Variants in DNAH17 observed in about 807,000 individuals in gnomAD.
The protein encoded by DNAH17 is axonemal beta dynein heavy chain 17.
A neutral mutation model predicts 485.6 loss-of-function variants in DNAH17; 376 were observed. That is an observed-to-expected ratio of 0.77 (90% confidence interval 0.71 to 0.84). The LOEUF (loss-of-function observed/expected upper bound fraction) is 0.84, where lower values mean the gene tolerates loss of function less well. DNAH17 is among the 40% of genes least tolerant of loss of function. The pLI is 0.00. For missense variants in DNAH17, 6,370 were observed against 5,839.3 expected (o/e 1.09, Z -2.96); for synonymous variants, 3,031 against 2,405.9 (o/e 1.26, Z -7.60).
At chr17:78,555,111 G>A (rs765898480) in intron 14 of DNAH17, among the ~76,000 whole-genome samples, 2 of 152,156 alleles carry the variant, frequency 1.3e-5, no homozygotes, top group South Asian at 2.1e-4. Flanking sequence ...CCATTAACTC[G>A]TAGGATAGGT....
intron 44 of DNAH17, among the ~76,000 whole-genome samples, chr17:78,487,964 T>C (rs8081164): frequency 0.063 from 9,570 of 152,276 alleles, 977 homozygotes; most frequent in African/African-American, 0.22. Context: ...AACCTTTCTA[T>C]GTCCCTAAGC....
Position 78,506,710 on chromosome 17 carries a change from C to T in DNAH17, c.4803+10G>A, listed in dbSNP as rs2090494815. 8 of 1,613,618 alleles carry T rather than the reference C, an allele frequency of 5.0e-6. No homozygotes were observed. Among genetic ancestry groups the T allele is most frequent in the South Asian group, 2.2e-5 (2 of 91,070 alleles). On this transcript the variant is annotated intron_variant, in intron 30 of 80. Coordinates refer to ENST00000389840, the MANE Select transcript of DNAH17 (RefSeq NM_173628.4). ...GGCTTAAACACCGGAATGCAAGGGGCCCCGCCTACCTCCACGGGGTCATTG... is the reference window on the plus strand; with the variant it reads ...GGCTTAAACACCGGAATGCAAGGGGTCCCGCCTACCTCCACGGGGTCATTG...
chr17:78,515,696 C>G (rs560341067), intron 25 of DNAH17, among the ~76,000 whole-genome samples: 1 of 152,290 alleles, frequency 6.6e-6, no homozygotes, highest in South Asian at 2.1e-4. Flanking sequence ...CCCTTGCCTG[C>G]CTTGGCAATC....
chr17:78,574,595 TC>T, intron 2 of DNAH17, 117 bp downstream of exon 2: 2 of 874,218 alleles, frequency 2.3e-6, no homozygotes, highest in South Asian at 1.8e-5. Flanking sequence ...TTCCAATCCC[TC>T]CCCGGCTCTG....
chr17:78,486,847 A>C lies in DNAH17; in HGVS notation c.6819-341T>G, dbSNP rs114035065. Reference sequence around the variant, plus strand: ...GATGGGGCAGAACAGAAAAGGAGAAAGATCTCATGATGTCATGTGGGGGGC... The same window carrying C: ...GATGGGGCAGAACAGAAAAGGAGAACGATCTCATGATGTCATGTGGGGGGC... On this transcript the variant is annotated intron_variant, in intron 44 of 80. Coordinates refer to ENST00000389840, the MANE Select transcript of DNAH17 (RefSeq NM_173628.4). Among the ~76,000 whole-genome samples, 1,092 of 152,272 alleles carry C rather than the reference A, an allele frequency of 7.2e-3. 9 individuals carry two copies. The highest frequency in any genetic ancestry group is 0.025 in the African/African-American group (1,036 of 41,552).
chr17:78,433,881 G>A (rs879190724), intron 75 of DNAH17, 148 bp downstream of exon 75: 3 of 629,904 alleles, frequency 4.8e-6, no homozygotes, highest in African/African-American at 3.8e-5. Context: ...CCTACTTGAT[G>A]TCTTTTAAGC....
intron 16 of DNAH17, among the ~76,000 whole-genome samples, chr17:78,544,731 G>T (rs1277293076): frequency 1.4e-5 from 2 of 143,508 alleles, no homozygotes; most frequent in Non-Finnish European, 3.0e-5. Flanking sequence ...AACCCGGGAG[G>T]CAGAGCTTGC....
chr17:78,536,770 G>T (rs1021838802), intron 19 of DNAH17, among the ~76,000 whole-genome samples: 1 of 151,916 alleles, frequency 6.6e-6, no homozygotes, highest in Non-Finnish European at 1.5e-5. Context: ...GATGATGAGG[G>T]AATGAAACCC....
In DNAH17 at chr17:78,461,563, T is replaced by G; in HGVS notation, c.9320A>C (p.Lys3107Thr). The G allele has an allele frequency of 6.3e-7, 1 of 1,599,186 alleles. No individual in the cohort carries two copies. The highest frequency in any genetic ancestry group is 8.5e-7 in the Non-Finnish European group (1 of 1,173,898). Residue 3107 changes from lysine (K) to threonine (T), a missense_variant, in exon 58 of 81, where the codon AAG becomes ACG. Physicochemically the swap from Lys to Thr is moderately conservative, Grantham distance 78. Coordinates refer to ENST00000389840, the MANE Select transcript of DNAH17 (RefSeq NM_173628.4). ...EKAIADQEEV[K>T]VEVINKNVTE... ...ACCTACCTTATTGATGACCTCGACCTTGACTTCTTCCTGGTCAGCAATGGC... is the reference window on the plus strand; with the variant it reads ...ACCTACCTTATTGATGACCTCGACCGTGACTTCTTCCTGGTCAGCAATGGC...
intron 37 of DNAH17, among the ~76,000 whole-genome samples, chr17:78,496,457 G>A (rs1205755846): frequency 2.0e-5 from 3 of 151,320 alleles, no homozygotes; most frequent in East Asian, 2.0e-4. Context: ...GTCACAGCGG[G>A]GGTGGTGGGC....
At chr17:78,525,708 G>C (rs1000661478) in intron 24 of DNAH17, among the ~76,000 whole-genome samples, 1 of 152,214 alleles carries the variant, frequency 6.6e-6, no homozygotes, top group African/African-American at 2.4e-5. Context: ...TGCCTGCTCT[G>C]GTCACCAGCT....
chr17:78,441,370 G>A (rs2087069727), intron 71 of DNAH17, among the ~76,000 whole-genome samples, 171 bp from the exon 72 acceptor site: 1 of 152,144 alleles, frequency 6.6e-6, no homozygotes, highest in Non-Finnish European at 1.5e-5. Flanking sequence ...CTTTCTGCGA[G>A]GGATTGGCCT....
In DNAH17 at chr17:78,458,883, A is replaced by C. The variant is rs1448664495; in HGVS notation, c.9861+118T>G. The C allele has an allele frequency of 2.5e-6, 3 of 1,212,632 alleles. No homozygotes were observed. In the African/African-American group the frequency reaches 4.5e-5, roughly 18 times the overall value. 75.1% of individuals were successfully genotyped at this position (1,212,632 alleles called of 1,614,324 possible). On this transcript the variant is annotated intron_variant, in intron 61 of 80. Transcript: ENST00000389840. Reference sequence around the variant, plus strand: ...CCTGCCTCTGCCTGCATCCTCTTGCACTGCTGAATAATTCATGACGGCGGG... The same window carrying C: ...CCTGCCTCTGCCTGCATCCTCTTGCCCTGCTGAATAATTCATGACGGCGGG...
Position 78,459,193 on chromosome 17 carries a change from G to A in DNAH17, c.9669C>T (p.Asn3223=), listed in dbSNP as rs2087964145. 6.2e-7 allele frequency: 1 copy of A among 1,613,864 alleles called. No individual in the cohort carries two copies. Among genetic ancestry groups the A allele is most frequent in the Non-Finnish European group, 8.5e-7 (1 of 1,179,884 alleles). The change falls in exon 61 of 81, where the codon AAC becomes AAT. Residue 3223 remains asparagine, a synonymous_variant. Coordinates refer to ENST00000389840, the MANE Select transcript of DNAH17 (RefSeq NM_173628.4). Reference sequence around the variant, plus strand: ...GGATGAACTCGGGGTCGAACGTCGGGTTGCCTTGGTAGGGCCTAGCGAGGG... The same window carrying A: ...GGATGAACTCGGGGTCGAACGTCGGATTGCCTTGGTAGGGCCTAGCGAGGG... The part of the protein sequence containing the change: ...CLKAFKPYQG[N]PTFDPEFIRS...
At chr17:78,575,733 G>A (rs2092424710) in intron 1 of DNAH17, among the ~76,000 whole-genome samples, 1 of 149,116 alleles carries the variant, frequency 6.7e-6, no homozygotes, top group African/African-American at 2.6e-5. Context: ...TAGAGAATTG[G>A]GGGGAAGGGA....
At position 78,561,973 on chromosome 17, in the gene DNAH17, T is replaced by A; in HGVS notation, c.1577A>T (p.Tyr526Phe). Residue 526 changes from tyrosine (Y) to phenylalanine (F), a missense_variant, in exon 12 of 81, where the codon TAC (tyrosine) becomes TTC (phenylalanine). Tyr to Phe is a conservative substitution (Grantham distance 22). Transcript: ENST00000389840. ...SCIKSSAKLL[Y>F]MCGGLMERPL... ...CCGCTCCATGAGGCCCCCACACATG[T>A]ACAGGAGCTGAGGACAAAGGAGAAG... 1 of 1,594,984 alleles carries A rather than the reference T, an allele frequency of 6.3e-7. No homozygotes were observed. Among genetic ancestry groups the A allele is most frequent in the Non-Finnish European group, 8.5e-7 (1 of 1,170,002 alleles).
At chr17:78,532,115 C>T (rs192139780) in intron 20 of DNAH17, among the ~76,000 whole-genome samples, 1 of 152,310 alleles carries the variant, frequency 6.6e-6, no homozygotes, top group Non-Finnish European at 1.5e-5. Flanking sequence ...ACCAGACAGC[C>T]CCTATAGCCT....
At chr17:78,497,485 G>A (rs535051609) in intron 37 of DNAH17, among the ~76,000 whole-genome samples, 1 of 152,316 alleles carries the variant, frequency 6.6e-6, no homozygotes, top group Admixed American at 6.5e-5. Flanking sequence ...CTCCATTGGA[G>A]CCCGTGAACA....
Position 78,543,875 on chromosome 17 carries a change from C to T in DNAH17, c.2514G>A (p.Lys838=), listed in dbSNP as rs1207558352. ...RYAAVRDAGV[K]IQAMVAENAE... ...TCCTTACTGCAACCATGGCTTGGAT[C>T]TTCACTCCAGCATCCCTGACTGCTG... The change falls in exon 17 of 81, where the codon AAG becomes AAA. Residue 838 remains lysine (K), a synonymous_variant. Transcript: ENST00000389840. 1 of 1,614,046 alleles carries T rather than the reference C, an allele frequency of 6.2e-7. No individual in the cohort carries two copies. The highest frequency in any genetic ancestry group is 8.5e-7 in the Non-Finnish European group (1 of 1,179,902).
Sources: gnomAD v4.1 joint callset for allele counts (sites outside exome capture counted in the v4.1 genomes callset) on GRCh38, gnomAD v4.1.1 for gene constraint, MANE v1.5 for transcripts, NCBI Gene and HGNC (gene_info 2026-07-23, HGNC 2026-07-21) for gene names.